SOX5: variants seen among roughly 807,000 people sequenced by gnomAD.
The protein encoded by SOX5 is SRY-box transcription factor 5, also known as transcription factor SOX-5.
In SOX5, 9 loss-of-function variants were observed where a neutral mutation model predicts 92.0. The observed-to-expected ratio is 0.10, with a 90% confidence interval of 0.06 to 0.17. The LOEUF is 0.17. SOX5 is among the 10% of genes least tolerant of loss of function. The pLI is 1.00. For missense variants in SOX5, 642 were observed against 944.5 expected (o/e 0.68, Z 4.20); for synonymous variants, 344 against 336.3 (o/e 1.02, Z -0.25).
chr12:24,309,906 T>A (rs1262689390), intron 2 of SOX5, among the ~76,000 whole-genome samples: 1 of 152,190 alleles, frequency 6.6e-6, no homozygotes, highest in Non-Finnish European at 1.5e-5. Context: ...TGATTCAGAA[T>A]GATAAGATCT....
chr12:24,083,221 A>G (rs550231070), intron 4 of SOX5, among the ~76,000 whole-genome samples: 1 of 152,168 alleles, frequency 6.6e-6, no homozygotes, highest in African/African-American at 2.4e-5. Context: ...ATTAAGCCTT[A>G]GTAAGCAAAT....
upstream of SOX5, chr12:23,950,813 T>A: frequency 6.8e-7 from 1 of 1,478,350 alleles, no homozygotes; most frequent in Non-Finnish European, 9.1e-7. Flanking sequence ...AATCAGGTAA[T>A]GTACCTTTGA....
intron 1 of SOX5, among the ~76,000 whole-genome samples, chr12:24,471,552 T>G (rs964098790): frequency 3.3e-5 from 5 of 152,192 alleles, no homozygotes; most frequent in African/African-American, 1.2e-4. Context: ...CTCTTGAAGT[T>G]GTTTTAAATT....
intron 2 of SOX5, among the ~76,000 whole-genome samples, chr12:24,330,707 C>A (rs1410478024): frequency 1.3e-5 from 2 of 152,188 alleles, no homozygotes; most frequent in African/African-American, 4.8e-5. Flanking sequence ...GTAGACATGA[C>A]AAGCATATGT....
At chr12:24,201,207 T>C (rs1272411552) in intron 4 of SOX5, among the ~76,000 whole-genome samples, 1 of 152,198 alleles carries the variant, frequency 6.6e-6, no homozygotes, top group Non-Finnish European at 1.5e-5. Flanking sequence ...GTAAGAGTTA[T>C]ATACTCCCAA....
rs993284514 is a variant in SOX5, at chr12:23,551,291, A to C, written c.1489-4867T>G. Among the ~76,000 whole-genome samples the C allele has an allele frequency of 2.6e-5, 4 of 151,952 alleles. No individual in the cohort carries two copies. The East Asian group carries it at 5.8e-4, about 22-fold the overall frequency. On this transcript the variant is annotated intron_variant, in intron 11 of 14. Coordinates refer to ENST00000451604, the MANE Select transcript of SOX5 (RefSeq NM_006940.6). Reference sequence around the variant, plus strand: ...AAGATGAAAGATTACTTATAATGTCATAACGATTTATCAGTTGGAGATTTT... The same window carrying C: ...AAGATGAAAGATTACTTATAATGTCCTAACGATTTATCAGTTGGAGATTTT...
At chr12:23,792,622 C>CAAAAAAAAAAAAAAA (rs749845598) in intron 3 of SOX5, among the ~76,000 whole-genome samples, 10 of 38,962 alleles carry the variant, frequency 2.6e-4, no homozygotes, top group African/African-American at 3.2e-4. Context: ...GGCTCTGTCT[C>CAAAAAAAAAAAAAAA]AAAAAAAAAA....
intron 2 of SOX5, among the ~76,000 whole-genome samples, chr12:24,284,989 G>A (rs1479209332): frequency 6.6e-6 from 1 of 152,058 alleles, no homozygotes; most frequent in Non-Finnish European, 1.5e-5. Context: ...GCTGGGCGTG[G>A]TGGCGGGCAC....
In SOX5 at chr12:23,891,503, A is replaced by G. The variant is rs371271578; in HGVS notation, c.270+4290T>C. ...CACTCAACAGTTGTATCTTGTCTCT[A>G]ACCTATTCAGGCAATACAAAATATA... On this transcript the variant is annotated intron_variant, in intron 2 of 14. Transcript: ENST00000451604. Among the ~76,000 whole-genome samples the G allele has an allele frequency of 1.3e-3, 196 of 152,310 alleles. No individual in the cohort carries two copies. The Middle Eastern group carries it at 0.017, about 13-fold the overall frequency.
At chr12:24,226,003 T>A (rs1338977220) in intron 3 of SOX5, among the ~76,000 whole-genome samples, 1 of 152,190 alleles carries the variant, frequency 6.6e-6, no homozygotes, top group Non-Finnish European at 1.5e-5. Flanking sequence ...TCAGTAGGAA[T>A]CAATCTCTTA....
At chr12:23,765,593 GCAGT>G (rs2094700562) in intron 3 of SOX5, among the ~76,000 whole-genome samples, 1 of 151,726 alleles carries the variant, frequency 6.6e-6, no homozygotes, top group South Asian at 2.1e-4. Flanking sequence ...AATGATAAAG[GCAGT>G]GGTTATAAAA....
intron 8 of SOX5, among the ~76,000 whole-genome samples, chr12:23,612,518 TTGA>T (rs1412692663): frequency 2.0e-5 from 3 of 152,100 alleles, no homozygotes; most frequent in African/African-American, 4.8e-5. Context: ...AGCTAAAATC[TTGA>T]TGATTAATAG....
intron 4 of SOX5, among the ~76,000 whole-genome samples, chr12:24,088,869 G>A (rs1465803048): frequency 6.6e-6 from 1 of 152,048 alleles, no homozygotes; most frequent in African/African-American, 2.4e-5. Flanking sequence ...TTTTAAAAGT[G>A]CCTTCTTCAC....
chr12:24,445,244 G>T (rs919290783), intron 1 of SOX5, among the ~76,000 whole-genome samples: 1 of 152,162 alleles, frequency 6.6e-6, no homozygotes, highest in Non-Finnish European at 1.5e-5. Context: ...GGTCAAATTT[G>T]CATGGTATCA....
At chr12:24,003,115 T>C (rs1321712941) in intron 4 of SOX5, among the ~76,000 whole-genome samples, 2 of 152,064 alleles carry the variant, frequency 1.3e-5, no homozygotes, top group East Asian at 1.9e-4. Context: ...CACCTATTCA[T>C]GGTAGAAATT....
At chr12:23,600,561 T>C (rs1441930689) in intron 9 of SOX5, among the ~76,000 whole-genome samples, 2 of 25,514 alleles carry the variant, frequency 7.8e-5, no homozygotes, top group African/African-American at 1.5e-4. Context: ...ATACACATAC[T>C]TGGCTTGGGA....
chr12:24,055,142 G>T (rs993363312), intron 4 of SOX5, among the ~76,000 whole-genome samples: 1 of 152,090 alleles, frequency 6.6e-6, no homozygotes, highest in African/African-American at 2.4e-5. Flanking sequence ...CTTTTAGTTT[G>T]GGAAAAAAGC....
chr12:23,612,954 GC>G (rs2076144061), intron 8 of SOX5, among the ~76,000 whole-genome samples: 1 of 152,106 alleles, frequency 6.6e-6, no homozygotes, highest in East Asian at 1.9e-4. Flanking sequence ...AAACACAGCA[GC>G]ATGTTTCAGT....
intron 4 of SOX5, among the ~76,000 whole-genome samples, chr12:23,746,383 T>C (rs747057741): frequency 1.1e-4 from 17 of 152,308 alleles, no homozygotes; most frequent in South Asian, 4.1e-4. Flanking sequence ...TGTGTCTATA[T>C]AGTGTATAAC....
Sources: allele counts gnomAD v4.1 joint callset (sites outside exome capture counted in the v4.1 genomes callset), GRCh38; gene constraint gnomAD v4.1.1; transcripts MANE v1.5; gene names NCBI Gene and HGNC (gene_info 2026-07-23, HGNC 2026-07-21).